Variants in CAST observed in about 807,000 individuals in gnomAD.
The protein encoded by CAST is MIR583 host.
CAST carries 76 observed loss-of-function variants against 119.6 expected under a neutral mutation model. The ratio of observed to expected loss-of-function variants is 0.64; its 90% confidence interval spans 0.53 to 0.77. The LOEUF is 0.77. Ranked by LOEUF, CAST falls within the 30% of genes least tolerant of loss-of-function variation. CAST has a pLI of 0.00. For missense variants in CAST, 953 were observed against 946.5 expected, an observed-to-expected ratio of 1.01 and a Z score of -0.09; for synonymous variants, 319 against 331.6, an observed-to-expected ratio of 0.96 and a Z score of 0.41.
At chr5:96,267,615 C>A in the CAST span, among the ~76,000 whole-genome samples, 1 of 151,842 alleles carries the variant, frequency 6.6e-6, no homozygotes, top group Non-Finnish European at 1.5e-5. Context: ...TGTTTCTCCA[C>A]GACAAAGAAA....
the CAST span, among the ~76,000 whole-genome samples, chr5:96,516,318 G>A: frequency 2.6e-5 from 4 of 152,006 alleles, no homozygotes; most frequent in Middle Eastern, 3.4e-3. Context: ...TCAGCTCAAC[G>A]ATCTCCCACA....
At chr5:96,521,323 T>A (rs563389054), upstream of CAST, among the ~76,000 whole-genome samples, 1 of 152,310 alleles carries the variant, frequency 6.6e-6, no homozygotes, top group South Asian at 2.1e-4. Context: ...CACAGTACTC[T>A]GCAGGCTGGC....
the CAST span, among the ~76,000 whole-genome samples, chr5:96,516,675 G>T: frequency 6.6e-6 from 1 of 152,140 alleles, no homozygotes; most frequent in Admixed American, 6.5e-5. Flanking sequence ...GAAAATGCTG[G>T]GGAACAATGA....
chr5:96,473,573 T>C, the CAST span, among the ~76,000 whole-genome samples: 1 of 152,202 alleles, frequency 6.6e-6, no homozygotes, highest in African/African-American at 2.4e-5. Flanking sequence ...ACATCACCTC[T>C]GCATTACAGA....
At chr5:96,771,619 C>T (rs759683388) in intron 30 of CAST, 25 bp from the exon 31 acceptor site, 12 of 1,600,496 alleles carry the variant, frequency 7.5e-6, no homozygotes, top group African/African-American at 2.7e-5. Context: ...AGAAAGCTCA[C>T]GGATGGTTTT....
intron 2 of CAST, among the ~76,000 whole-genome samples, chr5:96,690,426 C>T (rs1317127690): frequency 1.3e-5 from 2 of 152,054 alleles, no homozygotes; most frequent in Non-Finnish European, 2.9e-5. Context: ...GATGGGGTTT[C>T]ACTATGTTGG....
chr5:96,420,576 A>AGGAAGAAGT, the CAST span, among the ~76,000 whole-genome samples: 13 of 152,116 alleles, frequency 8.5e-5, no homozygotes, highest in African/African-American at 3.1e-4. Flanking sequence ...ATTTTCCCCA[A>AGGAAGAAGT]GGAAGAAATA....
chr5:96,055,348 T>C, the CAST span, among the ~76,000 whole-genome samples: 3 of 152,240 alleles, frequency 2.0e-5, no homozygotes, highest in African/African-American at 7.2e-5. Flanking sequence ...GATTAACAGC[T>C]GCTATGGCTA....
At chr5:96,118,645 T>A in the CAST span, among the ~76,000 whole-genome samples, 11 of 151,722 alleles carry the variant, frequency 7.3e-5, no homozygotes, top group Non-Finnish European at 1.5e-5. Flanking sequence ...TTTTTTTTTT[T>A]TGGTCCATTG....
At chr5:96,583,612 G>T (rs571551541) in intron 1 of CAST, among the ~76,000 whole-genome samples, 55 of 152,162 alleles carry the variant, frequency 3.6e-4, no homozygotes, top group Non-Finnish European at 7.3e-4. Flanking sequence ...GTTTAACATG[G>T]TGTCTAGCAC....
At chr5:96,224,802 GC>G in the CAST span, among the ~76,000 whole-genome samples, 2 of 152,200 alleles carry the variant, frequency 1.3e-5, no homozygotes, top group African/African-American at 4.8e-5. Context: ...CAGATGGGTT[GC>G]CAGCAGCTCC....
the CAST span, among the ~76,000 whole-genome samples, chr5:96,221,963 C>T: frequency 6.6e-6 from 1 of 152,112 alleles, no homozygotes; most frequent in Admixed American, 6.5e-5. Context: ...CACGTATTTA[C>T]AGCCAACTGA....
chr5:96,219,031 T>C, the CAST span, among the ~76,000 whole-genome samples: 1 of 152,222 alleles, frequency 6.6e-6, no homozygotes, highest in Non-Finnish European at 1.5e-5. Flanking sequence ...TAAATGAAGC[T>C]GTGTGCAGAA....
the CAST span, among the ~76,000 whole-genome samples, chr5:96,124,872 G>A: frequency 6.6e-6 from 1 of 152,164 alleles, no homozygotes; most frequent in African/African-American, 2.4e-5. Flanking sequence ...TGAAGATAAT[G>A]AGAAAGTTAT....
the CAST span, among the ~76,000 whole-genome samples, chr5:96,246,809 G>C: frequency 1.3e-5 from 2 of 152,168 alleles, no homozygotes; most frequent in East Asian, 3.9e-4. Context: ...CTAGATAAGT[G>C]ACCATGTACC....
chr5:96,573,829 AT>A (rs1256253560), intron 1 of CAST, among the ~76,000 whole-genome samples: 1 of 152,154 alleles, frequency 6.6e-6, no homozygotes, highest in Non-Finnish European at 1.5e-5. Context: ...ATGAGGGATG[AT>A]TTTTGCCTGT....
chr5:96,643,795 C>A (rs1747982160), intron 1 of CAST, among the ~76,000 whole-genome samples: 1 of 152,122 alleles, frequency 6.6e-6, no homozygotes, highest in Admixed American at 6.5e-5. Context: ...ATCGCTTGAA[C>A]CTTGGAGGCC....
chr5:95,971,482 A>G, the CAST span, among the ~76,000 whole-genome samples: 5 of 152,312 alleles, frequency 3.3e-5, no homozygotes, highest in South Asian at 1.0e-3. Context: ...TGTATTTTTA[A>G]TTTACATACA....
chr5:96,471,719 T>C, the CAST span, among the ~76,000 whole-genome samples: 15 of 151,878 alleles, frequency 9.9e-5, no homozygotes, highest in Non-Finnish European at 1.6e-4. Flanking sequence ...TTTTGCCTGT[T>C]TAATTACCTT....
Sources: allele counts gnomAD v4.1 joint callset (sites outside exome capture counted in the v4.1 genomes callset), GRCh38; gene constraint gnomAD v4.1.1; transcripts MANE v1.5; gene names NCBI Gene and HGNC (gene_info 2026-07-23, HGNC 2026-07-21).